Variants in NMNAT3 observed in about 807,000 individuals in gnomAD.
The protein encoded by NMNAT3 is nicotinamide nucleotide adenylyltransferase 3.
In NMNAT3, 21 loss-of-function variants were observed where a neutral mutation model predicts 24.8. The observed-to-expected ratio is 0.85, with a 90% CI of 0.60 to 1.22. NMNAT3 has a LOEUF of 1.22. Ranked by LOEUF, NMNAT3 falls within the 50% of genes most tolerant of loss-of-function variation. The pLI is 0.00. For missense variants in NMNAT3, 387 were observed against 436.6 expected (o/e 0.89, Z 1.01); for synonymous variants, 136 against 155.2 (o/e 0.88, Z 0.92).
chr3:139,627,469 C>T, intron 3 of NMNAT3, 147 bp downstream of exon 4: 1 of 564,194 alleles, frequency 1.8e-6, no homozygotes, highest in Non-Finnish European at 3.2e-6. Context: ...TAAGCATCAA[C>T]CCTTTGAATA....
chr3:139,589,996 A>C (rs929200340), intron 3 of NMNAT3, among the ~76,000 whole-genome samples: 8 of 152,206 alleles, frequency 5.3e-5, no homozygotes, highest in Non-Finnish European at 8.8e-5. Flanking sequence ...AGGCACAGAG[A>C]ATCCCCAGGG....
chr3:139,589,520 G>C (rs1389296331), intron 3 of NMNAT3, among the ~76,000 whole-genome samples: 2 of 152,218 alleles, frequency 1.3e-5, no homozygotes, highest in Non-Finnish European at 2.9e-5. Context: ...CCAGGAGACA[G>C]TGGAGTGAAG....
intron 1 of NMNAT3, among the ~76,000 whole-genome samples, chr3:139,664,232 G>A (rs942678187): frequency 2.6e-5 from 4 of 152,254 alleles, no homozygotes; most frequent in South Asian, 2.1e-4. Context: ...GCATCCCCAA[G>A]TTAGATACTC....
chr3:139,629,940 TA>T (rs2056225717), intron 2 of NMNAT3, among the ~76,000 whole-genome samples: 1 of 152,198 alleles, frequency 6.6e-6, no homozygotes, highest in African/African-American at 2.4e-5. Flanking sequence ...CAGTTAGGGA[TA>T]TATTAGCTGC....
chr3:139,641,192 C>G (rs2056690448), intron 1 of NMNAT3, among the ~76,000 whole-genome samples: 1 of 152,180 alleles, frequency 6.6e-6, no homozygotes, highest in African/African-American at 2.4e-5. Flanking sequence ...CATTTGCCAG[C>G]AAGTTATACA....
chr3:139,629,211 G>A (rs375030006), intron 2 of NMNAT3, among the ~76,000 whole-genome samples: 1 of 152,192 alleles, frequency 6.6e-6, no homozygotes, highest in South Asian at 2.1e-4. Context: ...GGCAGGTTGT[G>A]AGCTGCCCCG....
chr3:139,562,801 G>A (rs930382312), intron 6 of NMNAT3, among the ~76,000 whole-genome samples: 1 of 152,282 alleles, frequency 6.6e-6, no homozygotes, highest in African/African-American at 2.4e-5. Context: ...GAGATGATGA[G>A]CTCTAGACTC....
At chr3:139,596,916 G>GTGTAGTA (rs1393197797) in intron 3 of NMNAT3, among the ~76,000 whole-genome samples, 1 of 97,164 alleles carries the variant, frequency 1.0e-5, no homozygotes, top group Non-Finnish European at 2.1e-5. Context: ...TGTCATGTGT[G>GTGTAGTA]TATATATATA....
chr3:139,582,336 T>A (rs4395367), intron 4 of NMNAT3, among the ~76,000 whole-genome samples: 6 of 151,632 alleles, frequency 4.0e-5, no homozygotes, highest in Middle Eastern at 3.4e-3. Flanking sequence ...GAGAATATTC[T>A]TATTCTTAGA....
At chr3:139,669,670 C>T (rs745986555) in intron 1 of NMNAT3, among the ~76,000 whole-genome samples, 4 of 151,954 alleles carry the variant, frequency 2.6e-5, no homozygotes, top group Non-Finnish European at 5.9e-5. Flanking sequence ...TATCATAGCA[C>T]CTAAAGCCAT....
chr3:139,614,932 A>G (rs148238610), intron 3 of NMNAT3, among the ~76,000 whole-genome samples: 1 of 152,356 alleles, frequency 6.6e-6, no homozygotes, highest in African/African-American at 2.4e-5. Context: ...TTTTCTGATT[A>G]CACTATTCCT....
At chr3:139,573,569 C>T (rs754562116) in intron 6 of NMNAT3, 29 bp downstream of exon 6, 5 of 1,402,066 alleles carry the variant, frequency 3.6e-6, no homozygotes, top group East Asian at 2.3e-5. Context: ...ACATCTCATT[C>T]TCCTACAGAC....
At position 139,568,011 on chromosome 3, in the gene NMNAT3, A is replaced by T. The variant is rs536846569; in HGVS notation, c.658+5587T>A. 2.1e-3 allele frequency: 319 copies of T among 152,220 alleles called. 1 individual carries two copies. Among genetic ancestry groups the T allele is most frequent in the African/African-American group, 7.5e-3 (309 of 41,472 alleles). 9.4% of individuals were successfully genotyped at this position (152,220 alleles called of 1,614,324 possible). On this transcript the variant is annotated intron_variant, in intron 6 of 6. Transcript: ENST00000643695. ...TGGTAAGCTATTGATTATTGCCTCAATTTCAGAGCCTATTATTGGTCTATT... is the reference window on the plus strand; with the variant it reads ...TGGTAAGCTATTGATTATTGCCTCATTTTCAGAGCCTATTATTGGTCTATT...
At chr3:139,631,015 G>C (rs1396761255) in intron 2 of NMNAT3, among the ~76,000 whole-genome samples, 1 of 152,098 alleles carries the variant, frequency 6.6e-6, no homozygotes, top group Admixed American at 6.5e-5. Context: ...TTTTCCAAAA[G>C]TTCCCAGAAA....
intron 3 of NMNAT3, among the ~76,000 whole-genome samples, chr3:139,585,695 G>A (rs1046067815): frequency 2.6e-5 from 4 of 152,168 alleles, no homozygotes; most frequent in Admixed American, 2.6e-4. Flanking sequence ...ATCCAGGATG[G>A]GAGTTTCAAA....
At chr3:139,572,242 C>T in intron 6 of NMNAT3, 1 of 398,552 alleles carries the variant, frequency 2.5e-6, no homozygotes, top group Non-Finnish European at 4.4e-6. Context: ...ACCTGCTGAG[C>T]CAGAGATGAT....
At chr3:139,652,807 G>T (rs193127031) in intron 1 of NMNAT3, among the ~76,000 whole-genome samples, 2 of 152,120 alleles carry the variant, frequency 1.3e-5, no homozygotes, top group Admixed American at 1.3e-4. Flanking sequence ...TCTCTTCCTC[G>T]AGAGAAGCTG....
chr3:139,573,584 G>A lies in NMNAT3; in HGVS notation c.658+14C>T. Reference sequence around the variant, plus strand: ...ACATCTCATTCTCCTACAGACAAGAGGATCAGCACCCACCTGCAGGGGTCG... The same window carrying A: ...ACATCTCATTCTCCTACAGACAAGAAGATCAGCACCCACCTGCAGGGGTCG... On this transcript the variant is annotated intron_variant, in intron 6 of 6. Transcript: ENST00000643695. 6.6e-7 allele frequency: 1 copy of A among 1,519,746 alleles called. No homozygotes were observed. The allele number at this position is 1,519,746 out of a possible 1,614,324, so 94.1% of individuals were successfully genotyped here.
intron 3 of NMNAT3, 65 bp downstream of exon 4, chr3:139,627,551 C>T: frequency 1.2e-6 from 1 of 835,562 alleles, no homozygotes; most frequent in Non-Finnish European, 1.8e-6. Flanking sequence ...ATGCCAGCAG[C>T]CAGAAAAGCC....
Sources: gnomAD v4.1 joint callset for allele counts (sites outside exome capture counted in the v4.1 genomes callset) on GRCh38, gnomAD v4.1.1 for gene constraint, MANE v1.5 for transcripts, NCBI Gene and HGNC (gene_info 2026-07-23, HGNC 2026-07-21) for gene names.